NMNAT2: variants seen among roughly 807,000 people sequenced by gnomAD.
NMNAT2 encodes the protein nicotinamide nucleotide adenylyltransferase 2.
Under a neutral mutation model 41.6 loss-of-function variants are expected in NMNAT2, and 11 were observed. That is an observed-to-expected ratio of 0.26 (90% confidence interval 0.17 to 0.44). The LOEUF (loss-of-function observed/expected upper bound fraction) is 0.44. NMNAT2 is among the 20% of genes least tolerant of loss of function. The probability of loss-of-function intolerance (pLI) is 1.00; values close to 1 mark genes in which losing one functional copy is unlikely to be tolerated. For missense variants in NMNAT2, 288 were observed against 407.7 expected, an observed-to-expected ratio of 0.71 and a Z score of 2.53; for synonymous variants, 148 against 151.2, an observed-to-expected ratio of 0.98 and a Z score of 0.16.
intron 1 of NMNAT2, among the ~76,000 whole-genome samples, chr1:183,337,525 A>C (rs996417178): frequency 1.5e-5 from 2 of 136,060 alleles, no homozygotes; most frequent in African/African-American, 5.3e-5. Flanking sequence ...CCTTGAATCT[A>C]GGTTTGCCTA....
intron 1 of NMNAT2, among the ~76,000 whole-genome samples, chr1:183,352,823 C>T (rs1358343902): frequency 6.6e-6 from 1 of 152,142 alleles, no homozygotes; most frequent in Non-Finnish European, 1.5e-5. Context: ...CAGGCAGCCC[C>T]ATGCTCACCC....
chr1:183,260,653 T>C (rs1303310017), intron 10 of NMNAT2, among the ~76,000 whole-genome samples: 4 of 151,918 alleles, frequency 2.6e-5, no homozygotes, highest in Non-Finnish European at 4.4e-5. Flanking sequence ...TCCCCATCTC[T>C]ACTAAAAATA....
At chr1:183,267,636 C>G (rs1660852293) in intron 8 of NMNAT2, among the ~76,000 whole-genome samples, 1 of 152,130 alleles carries the variant, frequency 6.6e-6, no homozygotes, top group Non-Finnish European at 1.5e-5. Flanking sequence ...GGGCAGACAT[C>G]TGACCCCAGG....
At chr1:183,363,069 G>A (rs1488330436) in intron 1 of NMNAT2, among the ~76,000 whole-genome samples, 2 of 152,262 alleles carry the variant, frequency 1.3e-5, no homozygotes, top group South Asian at 4.1e-4. Flanking sequence ...CTTTTTAGGA[G>A]TTTATTTGCC....
intron 1 of NMNAT2, among the ~76,000 whole-genome samples, chr1:183,402,035 G>A (rs957642492): frequency 2.6e-5 from 4 of 151,896 alleles, no homozygotes; most frequent in East Asian, 1.9e-4. Flanking sequence ...AAACCTGCAC[G>A]TTGTGCACAT....
At chr1:183,377,555 C>T (rs1381522145) in intron 1 of NMNAT2, among the ~76,000 whole-genome samples, 1 of 152,176 alleles carries the variant, frequency 6.6e-6, no homozygotes, top group Non-Finnish European at 1.5e-5. Flanking sequence ...AGGGTAACAG[C>T]AACATAGACT....
At chr1:183,404,472 C>T (rs1648900252) in intron 1 of NMNAT2, among the ~76,000 whole-genome samples, 1 of 152,188 alleles carries the variant, frequency 6.6e-6, no homozygotes, top group Admixed American at 6.5e-5. Flanking sequence ...AAGCATTTCC[C>T]AGACCCTTTT....
At chr1:183,357,953 T>C (rs1282744648) in intron 1 of NMNAT2, among the ~76,000 whole-genome samples, 1 of 152,194 alleles carries the variant, frequency 6.6e-6, no homozygotes, top group Non-Finnish European at 1.5e-5. Context: ...TTTTCTATTA[T>C]AAAGATGCAT....
At chr1:183,306,751 A>C (rs1311003808) in intron 1 of NMNAT2, among the ~76,000 whole-genome samples, 1 of 152,158 alleles carries the variant, frequency 6.6e-6, no homozygotes, top group African/African-American at 2.4e-5. Context: ...TTAAAATACT[A>C]ACCTCCCCCT....
chr1:183,347,000 C>T (rs1662944334), intron 1 of NMNAT2, among the ~76,000 whole-genome samples: 1 of 152,170 alleles, frequency 6.6e-6, no homozygotes, highest in South Asian at 2.1e-4. Flanking sequence ...TCCATGAAGC[C>T]TTCCTTGACC....
At chr1:183,288,059 A>G (rs180697911) in intron 4 of NMNAT2, among the ~76,000 whole-genome samples, 7 of 152,046 alleles carry the variant, frequency 4.6e-5, no homozygotes, top group African/African-American at 1.7e-4. Flanking sequence ...GGTGGGAGGG[A>G]TGGTCTGCCT....
intron 7 of NMNAT2, among the ~76,000 whole-genome samples, chr1:183,279,880 G>T (rs917426431): frequency 6.6e-6 from 1 of 152,206 alleles, no homozygotes; most frequent in African/African-American, 2.4e-5. Context: ...TGTGTGCAGG[G>T]ATTTTCCTTT....
intron 10 of NMNAT2, among the ~76,000 whole-genome samples, 185 bp from the exon 11 acceptor site, chr1:183,252,928 G>C (rs1660429558): frequency 6.6e-6 from 1 of 152,120 alleles, no homozygotes; most frequent in African/African-American, 2.4e-5. Flanking sequence ...ATCATTCATC[G>C]TGGTTCTGCC....
intron 1 of NMNAT2, among the ~76,000 whole-genome samples, chr1:183,378,780 A>T (rs1019907280): frequency 7.0e-6 from 1 of 143,086 alleles, no homozygotes; most frequent in Admixed American, 7.2e-5. Context: ...GAGGTGGCTC[A>T]TGCTTGTAAT....
rs755978316 is a variant in NMNAT2, at chr1:183,278,540, C to T, written c.651+13G>A. ...GTCCCAGCTGGGTGCCAGGCAATAA[C>T]CTTGCTACTCACATCTGCCTCGTTC... On this transcript the variant is annotated intron_variant, in intron 8 of 10. Coordinates refer to ENST00000287713, the MANE Select transcript of NMNAT2 (RefSeq NM_015039.4). 6.2e-7 allele frequency: 1 copy of T among 1,600,132 alleles called. No homozygotes were observed.
At chr1:183,258,723 CCCTG>C (rs1660582064) in intron 10 of NMNAT2, among the ~76,000 whole-genome samples, 1 of 152,056 alleles carries the variant, frequency 6.6e-6, no homozygotes, top group African/African-American at 2.4e-5. Flanking sequence ...ATTTTGTAGA[CCCTG>C]CACTTGATGG....
rs942085558 is a variant in NMNAT2, at chr1:183,249,202, T to A, written c.*3439A>T. On this transcript the variant is annotated 3_prime_UTR_variant, in exon 11 of 11. Coordinates refer to ENST00000287713, the MANE Select transcript of NMNAT2 (RefSeq NM_015039.4). ...TAAGAGACTTTCCCCCTTGTTCCTA[T>A]GTACATTCAAGGAAAATGAAAGCAA... 2.6e-5 allele frequency: 4 copies of A among 152,176 alleles called. No homozygotes were observed. The highest frequency in any genetic ancestry group is 5.9e-5 in the Non-Finnish European group (4 of 68,052). 9.4% of individuals were successfully genotyped at this position (152,176 alleles called of 1,614,324 possible). A position where few individuals can be genotyped will look rare whatever the true frequency, so the allele number is the denominator to read the frequency against.
chr1:183,393,261 C>G (rs990212485), intron 1 of NMNAT2, among the ~76,000 whole-genome samples: 2 of 152,168 alleles, frequency 1.3e-5, no homozygotes, highest in Non-Finnish European at 2.9e-5. Context: ...AAAATTCTTT[C>G]TCTTATACAG....
At chr1:183,326,678 G>A (rs888338853) in intron 1 of NMNAT2, among the ~76,000 whole-genome samples, 2 of 152,144 alleles carry the variant, frequency 1.3e-5, no homozygotes, top group African/African-American at 4.8e-5. Context: ...GGGGATTTAA[G>A]AAAGAGAGTG....
Sources: allele counts gnomAD v4.1 joint callset (sites outside exome capture counted in the v4.1 genomes callset), GRCh38; gene constraint gnomAD v4.1.1; transcripts MANE v1.5; gene names NCBI Gene and HGNC (gene_info 2026-07-23, HGNC 2026-07-21).